The following NSD2 variants were observed in gnomAD, a reference collection of about 807,000 sequenced individuals.
The protein encoded by NSD2 is nuclear receptor binding SET domain protein 2.
NSD2 carries 12 observed loss-of-function variants against 139.0 expected under a neutral mutation model. That is an observed-to-expected ratio of 0.09 (90% confidence interval 0.06 to 0.14). The LOEUF is 0.14. Ranked by LOEUF, NSD2 falls within the 10% of genes least tolerant of loss-of-function variation. NSD2 has a pLI of 1.00. For missense variants in NSD2, 1,155 were observed against 1,745.0 expected (o/e 0.66, Z 6.02); for synonymous variants, 669 against 648.7 (o/e 1.03, Z -0.48).
chr4:1,931,827 A>G (rs910419366), intron 6 of NSD2, among the ~76,000 whole-genome samples: 2 of 152,226 alleles, frequency 1.3e-5, no homozygotes, highest in Non-Finnish European at 2.9e-5. Flanking sequence ...CTTTAAAAGA[A>G]AATATACCTC....
chr4:1,941,665 C>T, intron 9 of NSD2: 1 of 1,043,410 alleles, frequency 9.6e-7, no homozygotes, highest in East Asian at 5.6e-5. Flanking sequence ...TGCATAGATC[C>T]CATAGTGTGC....
At position 1,942,283 on chromosome 4, in the gene NSD2, T is replaced by C; in HGVS notation, c.1881+2505T>C. ...GTGATTTAAGTGTTTTGTAACTTCA[T>C]TTTTTATTCCTTTAGTAGAGCAAAT... On this transcript the variant is annotated intron_variant, in intron 9 of 21. Transcript: ENST00000508803. This position sits in a 1 kb window ranked among gnomAD's most constrained non-coding sequence, Gnocchi z 4.0. The C allele has an allele frequency of 1.3e-6, 2 of 1,597,332 alleles. No homozygotes were observed. Among genetic ancestry groups the C allele is most frequent in the Non-Finnish European group, 1.7e-6 (2 of 1,174,114 alleles).
Position 1,918,447 on chromosome 4 carries a change from C to G in NSD2, c.1234C>G (p.Leu412Val). Residue 412 changes from leucine (L) to valine (V), a missense_variant, in exon 5 of 22, where the codon CTG becomes GTG. By Grantham distance (32) the Leu-to-Val change is conservative. This residue lies in a region of NSD2 where 420 missense variants were observed against 469.0 expected (regional missense o/e 0.90). Coordinates refer to ENST00000508803, the MANE Select transcript of NSD2 (RefSeq NM_001042424.3). ...RAKLCSSAETLESHPDIGKST... is the reference protein window; with the variant it reads ...RAKLCSSAETVESHPDIGKST... The stretch of plus-strand genomic sequence containing the variant: ...CAAACTGTGTAGCTCTGCAGAGACC[C>G]TGGAGAGTCACCCCGACATAGGGAA... 6.2e-7 allele frequency: 1 copy of G among 1,614,092 alleles called. No homozygotes were observed. Among genetic ancestry groups the G allele is most frequent in the East Asian group, 2.2e-5 (1 of 44,866 alleles).
At position 1,955,783 on chromosome 4, in the gene NSD2, A is replaced by G. The variant is rs1268825335; in HGVS notation, c.2609A>G (p.Asn870Ser). The change falls in exon 14 of 22, where the codon AAT becomes AGT. Residue 870 changes from asparagine (N) to serine (S), a missense_variant. Asn to Ser is a conservative substitution (Grantham distance 46). Coordinates refer to ENST00000508803, the MANE Select transcript of NSD2 (RefSeq NM_001042424.3). This position sits in a 1 kb window ranked among gnomAD's most constrained non-coding sequence, Gnocchi z 4.7. ...ATGCCTGACGGCAGCTGGTTCTGCA[A>G]TGACTGCAGGGCTGGGAAGAAGCTG... The part of the protein sequence containing the change: ...IEMPDGSWFC[N>S]DCRAGKKLHF... 5.6e-6 allele frequency: 9 copies of G among 1,614,122 alleles called. No individual in the cohort carries two copies. Among genetic ancestry groups the G allele is most frequent in the East Asian group, 2.2e-5 (1 of 44,900 alleles).
At chr4:1,917,492 A>G (rs1719550382) in intron 4 of NSD2, among the ~76,000 whole-genome samples, 1 of 152,110 alleles carries the variant, frequency 6.6e-6, no homozygotes, top group Non-Finnish European at 1.5e-5. Flanking sequence ...CTGGAGTGTA[A>G]TGGCATGATC....
Position 1,918,338 on chromosome 4 carries a change from A to G in NSD2, c.1125A>G (p.Glu375=), listed in dbSNP as rs1577435323. The change falls in exon 5 of 22, where the codon GAA becomes GAG. Residue 375 remains glutamate, a synonymous_variant. Coordinates refer to ENST00000508803, the MANE Select transcript of NSD2 (RefSeq NM_001042424.3). The stretch of plus-strand genomic sequence containing the variant: ...CAGAGTCTTTGGGAGAAATGGCAGA[A>G]TCCTCAGGAGTCAGTGAAGAAGCTG... The part of the protein sequence containing the change: ...IAAESLGEMA[E]SSGVSEEAAE... 6.2e-7 allele frequency: 1 copy of G among 1,614,080 alleles called. No individual in the cohort carries two copies. Among genetic ancestry groups the G allele is most frequent in the Non-Finnish European group, 8.5e-7 (1 of 1,180,022 alleles).
Position 1,955,478 on chromosome 4 carries a change from C to A in NSD2, c.2518+138C>A. On this transcript the variant is annotated intron_variant, in intron 13 of 21. Coordinates refer to ENST00000508803, the MANE Select transcript of NSD2 (RefSeq NM_001042424.3). This position sits in a 1 kb window ranked among gnomAD's most constrained non-coding sequence, Gnocchi z 4.7. ...GTGCGTCTTCACGTTAATAGTATATCACAGTAGCTCTAAATTAATTGTAAT... is the reference window on the plus strand; with the variant it reads ...GTGCGTCTTCACGTTAATAGTATATAACAGTAGCTCTAAATTAATTGTAAT... The A allele has an allele frequency of 1.6e-6, 2 of 1,248,542 alleles. No individual in the cohort carries two copies. The highest frequency in any genetic ancestry group is 2.2e-6 in the Non-Finnish European group (2 of 928,386). The allele number at this position is 1,248,542 out of a possible 1,614,324, so 77.3% of individuals were successfully genotyped here.
intron 9 of NSD2, chr4:1,945,223 G>C: frequency 9.4e-7 from 1 of 1,067,026 alleles, no homozygotes; most frequent in Non-Finnish European, 1.1e-6. Context: ...TGGGGAACAA[G>C]ACGGGGTGGG....
In NSD2 at chr4:1,930,719, T is replaced by C; in HGVS notation, c.1504T>C (p.Tyr502His). Residue 502 changes from tyrosine (Y) to histidine (H), a missense_variant, in exon 6 of 22, where the codon TAC becomes CAC. By Grantham distance (83) the Tyr-to-His change is moderately conservative. Transcript: ENST00000508803. ...GCTGAGTGAGAAGCAGAGAGCACGC[T>C]ACAACACCAAGTTTGCCCTGGTGGC... is the stretch of plus-strand genomic sequence containing the variant. Reference protein sequence around the residue: ...SLLSEKQRARYNTKFALVAPV... With the variant: ...SLLSEKQRARHNTKFALVAPV... 1 of 1,613,924 alleles carries C rather than the reference T, an allele frequency of 6.2e-7. No homozygotes were observed. Among genetic ancestry groups the C allele is most frequent in the Non-Finnish European group, 8.5e-7 (1 of 1,179,936 alleles).
At chr4:1,916,774 C>T (rs1577430850) in intron 3 of NSD2, 97 bp from the exon 4 acceptor site, 3 of 1,251,002 alleles carry the variant, frequency 2.4e-6, no homozygotes, top group East Asian at 2.4e-5. Context: ...CAGGCTCAGA[C>T]AACACCAAGG....
chr4:1,924,397 G>T (rs1368584480), intron 5 of NSD2, among the ~76,000 whole-genome samples: 3 of 152,002 alleles, frequency 2.0e-5, no homozygotes, highest in African/African-American at 7.3e-5. Flanking sequence ...CTGGTATGTT[G>T]CTCGGCTGTG....
intron 18 of NSD2, among the ~76,000 whole-genome samples, chr4:1,967,928 G>A (rs1372863371): frequency 6.6e-6 from 1 of 152,202 alleles, no homozygotes; most frequent in Non-Finnish European, 1.5e-5. Context: ...CAGGCAGCAC[G>A]TGGTCAGTCT....
At position 1,975,636 on chromosome 4, in the gene NSD2, G is replaced by A. The variant is rs568849813; in HGVS notation, c.3621+236G>A. ...CAGAACAATGCCTCACAGACGCGTG[G>A]TTTCGCAGTTCTGGGTGTGGGCAGG... On this transcript the variant is annotated intron_variant, in intron 20 of 21. Coordinates refer to ENST00000508803, the MANE Select transcript of NSD2 (RefSeq NM_001042424.3). 1.6e-5 allele frequency: 8 copies of A among 506,744 alleles called. No homozygotes were observed. The South Asian group carries it at 1.9e-4, about 12-fold the overall frequency. The allele number at this position is 506,744 out of a possible 1,614,324, so 31.4% of individuals were successfully genotyped here.
intron 1 of NSD2, among the ~76,000 whole-genome samples, chr4:1,883,500 C>G (rs971969433): frequency 2.0e-5 from 3 of 152,006 alleles, no homozygotes; most frequent in Non-Finnish European, 4.4e-5. Flanking sequence ...GGCGTGGTGG[C>G]GCACACCTGT....
Position 1,925,766 on chromosome 4 carries a change from A to C in NSD2, c.1411-4860A>C, listed in dbSNP as rs546611997. ...AATGTACTTCTTTTTATATATCTAT[A>C]TATATATTTTTTTTTGTTTGTTTGT... On this transcript the variant is annotated intron_variant, in intron 5 of 21. Transcript: ENST00000508803. Among the ~76,000 whole-genome samples the C allele has an allele frequency of 4.1e-4, 60 of 147,626 alleles. No individual in the cohort carries two copies. In the South Asian group the frequency reaches 4.6e-3, roughly 11 times the overall value.
chr4:1,903,876 A>G (rs1278728589), intron 2 of NSD2, among the ~76,000 whole-genome samples: 2 of 151,962 alleles, frequency 1.3e-5, no homozygotes, highest in South Asian at 2.1e-4. Flanking sequence ...CTGGGATTAC[A>G]GGCGCCTGCC....
chr4:1,894,863 G>C (rs1343916177), intron 1 of NSD2, among the ~76,000 whole-genome samples: 1 of 152,034 alleles, frequency 6.6e-6, no homozygotes, highest in Non-Finnish European at 1.5e-5. Context: ...CATTCACATT[G>C]TTATACAACC....
At chr4:1,889,457 A>T (rs1715364981) in intron 1 of NSD2, among the ~76,000 whole-genome samples, 2 of 150,894 alleles carry the variant, frequency 1.3e-5, no homozygotes, top group Admixed American at 6.6e-5. Context: ...GGCCAACCAG[A>T]GTGCTGGGAT....
At position 1,955,727 on chromosome 4, in the gene NSD2, G is replaced by T. The variant is rs141095288; in HGVS notation, c.2553G>T (p.Ala851=). ...GSLLCCESCP[A]AFHPDCLNIE... is the part of the protein sequence containing the mutation. Reference sequence around the variant, plus strand: ...TTCTGTGCTGTGAGTCCTGCCCAGCGGCCTTCCACCCTGACTGCCTGAACA... The same window carrying T: ...TTCTGTGCTGTGAGTCCTGCCCAGCTGCCTTCCACCCTGACTGCCTGAACA... The change falls in exon 14 of 22, where the codon GCG becomes GCT. Residue 851 remains alanine, a synonymous_variant. Transcript: ENST00000508803. This position sits in a 1 kb window ranked among gnomAD's most constrained non-coding sequence, Gnocchi z 4.7. The T allele has an allele frequency of 5.0e-6, 8 of 1,613,942 alleles. No individual in the cohort carries two copies. In the South Asian group the frequency reaches 6.6e-5, roughly 13 times the overall value.
Sources: gnomAD v4.1 joint callset for allele counts (sites outside exome capture counted in the v4.1 genomes callset) on GRCh38, gnomAD v4.1.1 for gene constraint, gnomAD v4.1.1 regional missense constraint, Gnocchi (gnomAD v3.1) non-coding constraint, MANE v1.5 for transcripts, NCBI Gene and HGNC (gene_info 2026-07-23, HGNC 2026-07-21) for gene names.